WWOX: variants seen among roughly 807,000 people sequenced by gnomAD.
WWOX encodes the protein WW domain containing oxidoreductase.
A neutral mutation model predicts 46.2 loss-of-function variants in WWOX; 69 were observed. The ratio of observed to expected loss-of-function variants is 1.49; its 90% CI spans 1.23 to 1.82. The LOEUF (loss-of-function observed/expected upper bound fraction) is 1.82, where lower values mean the gene tolerates loss of function less well. Ranked by LOEUF, WWOX falls within the 40% of genes most tolerant of loss-of-function variation. WWOX has a pLI of 0.00. For synonymous variants in WWOX, 359 were observed against 202.6 expected (o/e 1.77, Z -6.56); for missense variants, 919 against 542.6 (o/e 1.69, Z -6.89).
chr16:78,539,110 G>C (rs927578455), intron 8 of WWOX, among the ~76,000 whole-genome samples: 6 of 152,180 alleles, frequency 3.9e-5, no homozygotes, highest in Non-Finnish European at 7.3e-5. Context: ...CTGATAACTT[G>C]TGCCTGCCTG....
At chr16:78,159,295 G>T (rs962673651) in intron 4 of WWOX, among the ~76,000 whole-genome samples, 2 of 152,134 alleles carry the variant, frequency 1.3e-5, no homozygotes, top group Non-Finnish European at 2.9e-5. Flanking sequence ...TTGTGATCCT[G>T]ATTTGAGTTC....
chr16:79,091,002 G>C (rs183642681), intron 8 of WWOX, among the ~76,000 whole-genome samples: 26 of 152,096 alleles, frequency 1.7e-4, no homozygotes, highest in Admixed American at 3.9e-4. Context: ...TGGCCAGCCT[G>C]GTCTCAACCT....
At chr16:78,940,483 G>C (rs1031002099) in intron 8 of WWOX, among the ~76,000 whole-genome samples, 4 of 152,140 alleles carry the variant, frequency 2.6e-5, no homozygotes, top group African/African-American at 7.2e-5. Context: ...GGAGTATCCG[G>C]TGTTAGGAGT....
chr16:78,364,741 A>G (rs2081495045), intron 5 of WWOX, among the ~76,000 whole-genome samples: 1 of 152,206 alleles, frequency 6.6e-6, no homozygotes, highest in Admixed American at 6.5e-5. Flanking sequence ...TAGTGTTTGA[A>G]GGATTAATGT....
At chr16:78,127,743 C>G (rs142513117) in intron 4 of WWOX, among the ~76,000 whole-genome samples, 3 of 152,140 alleles carry the variant, frequency 2.0e-5, no homozygotes, top group Non-Finnish European at 4.4e-5. Flanking sequence ...TAGAAATGCT[C>G]AACTTTGCTG....
chr16:78,332,306 G>T lies in WWOX; in HGVS notation c.517-54554G>T, dbSNP rs1281315321. 5.9e-5 allele frequency among the ~76,000 whole-genome samples: 9 copies of T among 152,258 alleles called. No homozygotes were observed. The East Asian group carries it at 1.4e-3, about 23-fold the overall frequency. ...CCGCATTTCTAAAATCCTTCCCAGA[G>T]AATTATTTGACTAGTTAAAGCTTAA... On this transcript the variant is annotated intron_variant, in intron 5 of 8. Transcript: ENST00000566780.
chr16:78,985,397 G>A (rs1247968203), intron 8 of WWOX, among the ~76,000 whole-genome samples: 1 of 152,174 alleles, frequency 6.6e-6, no homozygotes. Context: ...CAGTGTCAGG[G>A]TCCCCGTGCC....
At chr16:78,905,448 C>G (rs1042577785) in intron 8 of WWOX, among the ~76,000 whole-genome samples, 1 of 152,228 alleles carries the variant, frequency 6.6e-6, no homozygotes, top group African/African-American at 2.4e-5. Flanking sequence ...GTGGCCCAAT[C>G]ATGGCTTACT....
intron 8 of WWOX, among the ~76,000 whole-genome samples, chr16:79,027,020 C>T (rs888091192): frequency 6.6e-6 from 1 of 151,468 alleles, no homozygotes; most frequent in Admixed American, 6.6e-5. Flanking sequence ...TGGCTCATGC[C>T]TGTAATCCCA....
intron 5 of WWOX, among the ~76,000 whole-genome samples, chr16:78,216,561 A>G (rs937520657): frequency 4.0e-5 from 6 of 151,214 alleles, no homozygotes; most frequent in African/African-American, 1.5e-4. Flanking sequence ...AGGCTGACAC[A>G]TTCCTCTGCT....
intron 8 of WWOX, among the ~76,000 whole-genome samples, chr16:78,854,341 C>G (rs1321298750): frequency 2.0e-5 from 3 of 152,108 alleles, no homozygotes; most frequent in East Asian, 1.9e-4. Flanking sequence ...CTTGGTTCAG[C>G]AAAATGAAAC....
intron 8 of WWOX, among the ~76,000 whole-genome samples, chr16:78,461,871 G>T (rs570071371): frequency 2.4e-4 from 36 of 152,272 alleles, no homozygotes; most frequent in Non-Finnish European, 3.4e-4. Flanking sequence ...AATACCAACT[G>T]CTGGCAGTTT....
intron 8 of WWOX, among the ~76,000 whole-genome samples, chr16:79,042,272 G>A (rs1039924648): frequency 2.0e-5 from 3 of 152,158 alleles, no homozygotes; most frequent in Non-Finnish European, 4.4e-5. Flanking sequence ...CTTCCTCACT[G>A]TCTTTTGCAT....
chr16:78,797,553 T>TTTTTCAACC (rs1241253675), intron 8 of WWOX, among the ~76,000 whole-genome samples: 1 of 152,112 alleles, frequency 6.6e-6, no homozygotes, highest in East Asian at 1.9e-4. Context: ...AACTCCAGTC[T>TTTTTCAACC]GGCTGCTTTT....
At position 79,108,641 on chromosome 16, in the gene WWOX, C is replaced by T. The variant is rs146393990; in HGVS notation, c.1057-102967C>T. Among the ~76,000 whole-genome samples the T allele has an allele frequency of 1.2e-4, 18 of 152,282 alleles. No individual in the cohort carries two copies. The East Asian group carries it at 2.7e-3, about 23-fold the overall frequency. The stretch of plus-strand genomic sequence containing the variant: ...AGTTATTCGGGCATGGTGGCTCAAG[C>T]CTGTAATCCTAGCACTTTGAGAGGC... On this transcript the variant is annotated intron_variant, in intron 8 of 8. Transcript: ENST00000566780.
chr16:78,124,340 A>T (rs2033263616), intron 4 of WWOX: 1 of 152,112 alleles, frequency 6.6e-6, no homozygotes, highest in Non-Finnish European at 1.5e-5. Flanking sequence ...CTAGATGGCG[A>T]TTCTGGGAAT....
intron 4 of WWOX, among the ~76,000 whole-genome samples, chr16:78,137,768 A>ATTGACAGGAGTGAATCT (rs201954069): frequency 6.6e-6 from 1 of 151,252 alleles, no homozygotes; most frequent in African/African-American, 2.4e-5. Context: ...GACAGCTCTT[A>ATTGACAGGAGTGAATCT]GGTAGTGTGC....
At chr16:78,148,983 G>A (rs953397529) in intron 4 of WWOX, among the ~76,000 whole-genome samples, 4 of 149,520 alleles carry the variant, frequency 2.7e-5, no homozygotes, top group African/African-American at 9.8e-5. Context: ...CTTTTTATTG[G>A]TAGAGGGTCT....
At chr16:78,606,464 A>G (rs1388935567) in intron 8 of WWOX, among the ~76,000 whole-genome samples, 2 of 152,108 alleles carry the variant, frequency 1.3e-5, no homozygotes, top group East Asian at 3.9e-4. Flanking sequence ...AAAGAAAAAA[A>G]AAAGGGTGCT....
Sources: allele counts gnomAD v4.1 joint callset (sites outside exome capture counted in the v4.1 genomes callset), GRCh38; gene constraint gnomAD v4.1.1; transcripts MANE v1.5; gene names NCBI Gene and HGNC (gene_info 2026-07-23, HGNC 2026-07-21).